Variants in ADK observed in about 807,000 individuals in gnomAD.
ADK encodes the protein N6,N6-dimethyladenosine kinase.
Under a neutral mutation model 44.7 loss-of-function variants are expected in ADK, and 24 were observed. The ratio of observed to expected loss-of-function variants is 0.54; its 90% CI spans 0.39 to 0.76. The LOEUF (loss-of-function observed/expected upper bound fraction) is 0.76, where lower values mean the gene tolerates loss of function less well. Ranked by LOEUF, ADK falls within the 30% of genes least tolerant of loss-of-function variation. The pLI, the probability that ADK is intolerant of heterozygous loss-of-function variation, is 0.00. For synonymous variants in ADK, 128 were observed against 142.6 expected (o/e 0.90, Z 0.73); for missense variants, 321 against 425.1 (o/e 0.76, Z 2.15).
chr10:74,381,766 C>T (rs764232411), intron 4 of ADK, among the ~76,000 whole-genome samples: 3 of 152,198 alleles, frequency 2.0e-5, no homozygotes, highest in South Asian at 4.1e-4. Context: ...TGATCACATA[C>T]ACCTTGAAGG....
chr10:74,186,918 C>T (rs1842787292), intron 1 of ADK, among the ~76,000 whole-genome samples: 1 of 152,092 alleles, frequency 6.6e-6, no homozygotes, highest in Admixed American at 6.5e-5. Context: ...TTGCTATGAA[C>T]ATTTTTGTAT....
intron 6 of ADK, among the ~76,000 whole-genome samples, 192 bp downstream of exon 6, chr10:74,398,771 G>T (rs900171240): frequency 6.6e-6 from 1 of 152,016 alleles, no homozygotes; most frequent in Non-Finnish European, 1.5e-5. Flanking sequence ...AACATAATTT[G>T]TATTATTTAT....
At chr10:74,464,843 A>AAGAG (rs1259258985) in intron 6 of ADK, among the ~76,000 whole-genome samples, 1 of 151,684 alleles carries the variant, frequency 6.6e-6, no homozygotes, top group African/African-American at 2.4e-5. Flanking sequence ...TTAAGAAAAA[A>AAGAG]AGAGAGAGAG....
rs547573253 is a variant in ADK at position 74,221,461 on chromosome 10, A to T, written c.141-3077A>T. Among the ~76,000 whole-genome samples the T allele has an allele frequency of 2.8e-4, 42 of 152,328 alleles. No individual in the cohort carries two copies. The South Asian group carries it at 8.7e-3, about 32-fold the overall frequency. ...CCATACTGCCCAAGGTAATTTAGAGATTTAATGCCATCCCCATCAAGCTAC... is the reference window on the plus strand; with the variant it reads ...CCATACTGCCCAAGGTAATTTAGAGTTTTAATGCCATCCCCATCAAGCTAC... On this transcript the variant is annotated intron_variant, in intron 2 of 10. Coordinates refer to ENST00000539909, the MANE Select transcript of ADK (RefSeq NM_006721.4).
At chr10:74,535,323 C>T (rs1423473344) in intron 7 of ADK, among the ~76,000 whole-genome samples, 1 of 152,020 alleles carries the variant, frequency 6.6e-6, no homozygotes, top group Non-Finnish European at 1.5e-5. Flanking sequence ...ATTAGCCAGG[C>T]ATGGTGGCAC....
At chr10:74,441,821 TTAATTA>T (rs1845415886) in intron 6 of ADK, among the ~76,000 whole-genome samples, 1 of 151,930 alleles carries the variant, frequency 6.6e-6, no homozygotes, top group Non-Finnish European at 1.5e-5. Context: ...TGATAAAAGG[TTAATTA>T]TCCAAAATAT....
At chr10:74,663,895 T>C (rs1854845428) in intron 9 of ADK, among the ~76,000 whole-genome samples, 1 of 152,210 alleles carries the variant, frequency 6.6e-6, no homozygotes, top group South Asian at 2.1e-4. Flanking sequence ...CATATCCTGA[T>C]ATGTGTGTCC....
At chr10:74,302,504 T>C (rs752001412) in intron 3 of ADK, among the ~76,000 whole-genome samples, 20 of 151,984 alleles carry the variant, frequency 1.3e-4, no homozygotes, top group Admixed American at 1.1e-3. Flanking sequence ...AAAGAATTTA[T>C]ATTCCAGGCT....
chr10:74,544,571 T>C (rs1849758651), intron 7 of ADK, among the ~76,000 whole-genome samples: 1 of 151,996 alleles, frequency 6.6e-6, no homozygotes, highest in South Asian at 2.1e-4. Flanking sequence ...AAATTTGAAA[T>C]AATAAGAGAG....
intron 9 of ADK, among the ~76,000 whole-genome samples, chr10:74,615,865 C>T (rs115823274): frequency 0.016 from 2,377 of 152,094 alleles, 71 homozygotes; most frequent in African/African-American, 0.054. Context: ...CCCACCATCA[C>T]GCCTGGCTCA....
intron 10 of ADK, among the ~76,000 whole-genome samples, chr10:74,684,206 T>G (rs1398490205): frequency 6.6e-6 from 1 of 152,218 alleles, no homozygotes; most frequent in Non-Finnish European, 1.5e-5. Context: ...CTTAATTAGC[T>G]TTTATTAAAA....
At chr10:74,267,342 GT>G (rs1846247756) in intron 3 of ADK, among the ~76,000 whole-genome samples, 1 of 152,162 alleles carries the variant, frequency 6.6e-6, no homozygotes, top group African/African-American at 2.4e-5. Context: ...GGATCTATGG[GT>G]TCAACAGGGC....
At chr10:74,537,263 C>T (rs1305492079) in intron 7 of ADK, among the ~76,000 whole-genome samples, 7 of 152,192 alleles carry the variant, frequency 4.6e-5, no homozygotes, top group African/African-American at 1.7e-4. Flanking sequence ...TAACCTGTTA[C>T]ATTGCATTTT....
Position 74,362,107 on chromosome 10 carries a change from T to C in ADK, c.274-32034T>C, listed in dbSNP as rs183329569. On this transcript the variant is annotated intron_variant, in intron 4 of 10. Transcript: ENST00000539909. ...TAGTCTACCTGAATATTTATATCTT[T>C]TTTCAGGTATGGAAAGTTTTCTGTT... 9.2e-5 allele frequency among the ~76,000 whole-genome samples: 14 copies of C among 152,336 alleles called. 1 individual carries two copies. In the East Asian group the frequency reaches 2.7e-3, roughly 29 times the overall value.
intron 10 of ADK, among the ~76,000 whole-genome samples, chr10:74,671,622 T>G (rs192743912): frequency 6.6e-6 from 1 of 152,364 alleles, no homozygotes; most frequent in Admixed American, 6.5e-5. Context: ...TAGATGTATG[T>G]AGGCTAAAAT....
At chr10:74,323,860 G>A (rs528689134) in intron 4 of ADK, among the ~76,000 whole-genome samples, 5 of 152,048 alleles carry the variant, frequency 3.3e-5, no homozygotes, top group South Asian at 2.1e-4. Flanking sequence ...GTGAGCCACC[G>A]CTCCCGGCCC....
At chr10:74,218,166 G>A (rs1005457861) in intron 2 of ADK, among the ~76,000 whole-genome samples, 1 of 152,306 alleles carries the variant, frequency 6.6e-6, no homozygotes. Context: ...ATACAGAGAA[G>A]TGCTTAAAGG....
At position 74,151,342 on chromosome 10, in the gene ADK, A is replaced by G; in HGVS notation, c.64A>G (p.Arg22Gly). The G allele has an allele frequency of 6.5e-7, 1 of 1,549,502 alleles. No individual in the cohort carries two copies. Among genetic ancestry groups the G allele is most frequent in the Non-Finnish European group, 8.7e-7 (1 of 1,146,766 alleles). ...GAAGGTGGAGGCGCCGCAAGCGCTG[A>G]GGTGAGCGCTGCCGGACTTGGGGAG... ...KLKVEAPQAL[R>G]ENILFGMGNP... The change falls in exon 1 of 11, where the codon AGA (arginine) becomes GGA (glycine). Residue 22 changes from arginine to glycine, a missense_variant and splice_region_variant. By Grantham distance (125) the Arg-to-Gly change is moderately radical. Transcript: ENST00000539909.
chr10:74,546,882 ACT>A (rs1195784990), intron 7 of ADK, among the ~76,000 whole-genome samples: 1 of 152,104 alleles, frequency 6.6e-6, no homozygotes, highest in Non-Finnish European at 1.5e-5. Flanking sequence ...AAAAATTCTG[ACT>A]CTAACAATGC....
Sources: gnomAD v4.1 joint callset for allele counts (sites outside exome capture counted in the v4.1 genomes callset) on GRCh38, gnomAD v4.1.1 for gene constraint, MANE v1.5 for transcripts, NCBI Gene and HGNC (gene_info 2026-07-23, HGNC 2026-07-21) for gene names.